Variants in MGAT4C observed in about 807,000 individuals in gnomAD.
MGAT4C encodes the protein alpha-1,3-mannosyl-glycoprotein 4-beta-N-acetylglucosaminyltransferase C.
MGAT4C carries 19 observed loss-of-function variants against 40.1 expected under a neutral mutation model. That is an observed-to-expected ratio of 0.47 (90% CI 0.33 to 0.70). The LOEUF (loss-of-function observed/expected upper bound fraction) is 0.70, where lower values mean the gene tolerates loss of function less well. Among genes scored for constraint, MGAT4C ranks in the 30% least tolerant of loss-of-function variants. MGAT4C has a pLI of 0.02. For synonymous variants in MGAT4C, 181 were observed against 187.1 expected (o/e 0.97, Z 0.27); for missense variants, 491 against 563.2 (o/e 0.87, Z 1.30).
intron 2 of MGAT4C, among the ~76,000 whole-genome samples, chr12:86,506,078 G>C (rs1258243912): frequency 6.6e-6 from 1 of 152,160 alleles, no homozygotes; most frequent in Non-Finnish European, 1.5e-5. Context: ...CTTTAAGCCA[G>C]TGGATCATGT....
chr12:86,146,585 C>T (rs912463578), intron 1 of MGAT4C, among the ~76,000 whole-genome samples: 3 of 152,080 alleles, frequency 2.0e-5, no homozygotes, highest in African/African-American at 7.2e-5. Flanking sequence ...GTTATCCGAT[C>T]TAATGGCCTC....
chr12:85,983,843 T>C (rs2136696437), intron 3 of MGAT4C, among the ~76,000 whole-genome samples, 173 bp from the exon 4 acceptor site: 1 of 152,326 alleles, frequency 6.6e-6, no homozygotes, highest in Middle Eastern at 3.4e-3. Flanking sequence ...ACCTCATTTT[T>C]TACCTGGAGG....
At chr12:86,492,236 G>C (rs1016311557) in intron 2 of MGAT4C, among the ~76,000 whole-genome samples, 4 of 152,176 alleles carry the variant, frequency 2.6e-5, no homozygotes, top group Admixed American at 2.6e-4. Context: ...GTAAGTTATA[G>C]ATTCAATGTC....
At chr12:86,367,197 G>A (rs1162195980) in intron 3 of MGAT4C, among the ~76,000 whole-genome samples, 9 of 151,776 alleles carry the variant, frequency 5.9e-5, no homozygotes, top group Non-Finnish European at 1.3e-4. Context: ...AGCAGAAAGG[G>A]CAGATAGTAA....
At chr12:86,137,744 G>A (rs1882176458) in intron 1 of MGAT4C, among the ~76,000 whole-genome samples, 1 of 152,122 alleles carries the variant, frequency 6.6e-6, no homozygotes, top group African/African-American at 2.4e-5. Context: ...CCCCTCCTAT[G>A]AAACTTGCTT....
chr12:86,097,490 A>C (rs1874152321), intron 1 of MGAT4C, among the ~76,000 whole-genome samples: 1 of 151,554 alleles, frequency 6.6e-6, no homozygotes, highest in Non-Finnish European at 1.5e-5. Context: ...TCACATTTTT[A>C]GTTTGCTTAA....
intron 1 of MGAT4C, among the ~76,000 whole-genome samples, chr12:86,243,624 G>A (rs564726652): frequency 5.1e-4 from 77 of 152,248 alleles, no homozygotes; most frequent in Non-Finnish European, 8.4e-4. Flanking sequence ...GAACTAAGGC[G>A]GCCTATAGAT....
intron 1 of MGAT4C, among the ~76,000 whole-genome samples, chr12:86,821,264 T>G (rs1042107863): frequency 9.9e-5 from 15 of 150,860 alleles, no homozygotes; most frequent in Non-Finnish European, 2.2e-4. Context: ...AAAGTTCCTG[T>G]CCAGGTACTT....
intron 4 of MGAT4C, among the ~76,000 whole-genome samples, chr12:86,296,388 C>T (rs1300755189): frequency 2.0e-5 from 3 of 152,314 alleles, no homozygotes; most frequent in Admixed American, 6.5e-5. Flanking sequence ...CTGCCAGTCC[C>T]GTGCCATGCG....
chr12:86,157,480 G>A (rs1270335755), intron 1 of MGAT4C, among the ~76,000 whole-genome samples: 1 of 152,026 alleles, frequency 6.6e-6, no homozygotes, highest in African/African-American at 2.4e-5. Context: ...TTTTTAATAT[G>A]CATGTTCTTG....
At chr12:86,352,963 C>T (rs1011976683) in intron 3 of MGAT4C, among the ~76,000 whole-genome samples, 7 of 151,018 alleles carry the variant, frequency 4.6e-5, no homozygotes, top group Non-Finnish European at 8.8e-5. Context: ...CACATGTATA[C>T]ATATGTAACA....
At chr12:86,241,260 T>C (rs1951771865) in intron 1 of MGAT4C, among the ~76,000 whole-genome samples, 1 of 152,220 alleles carries the variant, frequency 6.6e-6, no homozygotes, top group South Asian at 2.1e-4. Flanking sequence ...TTTATGACTA[T>C]ACATGTATCA....
At chr12:86,009,890 T>C (rs1888286042) in intron 2 of MGAT4C, among the ~76,000 whole-genome samples, 1 of 152,120 alleles carries the variant, frequency 6.6e-6, no homozygotes, top group Non-Finnish European at 1.5e-5. Context: ...TGTAAATGAG[T>C]TGGTTGTGTA....
At chr12:86,172,644 T>C (rs147022257) in intron 1 of MGAT4C, among the ~76,000 whole-genome samples, 6 of 152,268 alleles carry the variant, frequency 3.9e-5, no homozygotes, top group African/African-American at 1.4e-4. Context: ...TTTTGAATTA[T>C]GGTGTTTATT....
chr12:86,257,917 A>T (rs1952568646), upstream of MGAT4C, among the ~76,000 whole-genome samples: 1 of 152,106 alleles, frequency 6.6e-6, no homozygotes, highest in African/African-American at 2.4e-5. Context: ...TGAGAGTGGT[A>T]ATGCTACATA....
At chr12:86,656,598 C>A (rs1325302783) in intron 2 of MGAT4C, among the ~76,000 whole-genome samples, 1 of 152,070 alleles carries the variant, frequency 6.6e-6, no homozygotes, top group African/African-American at 2.4e-5. Context: ...CAGCATTTAC[C>A]ATTTCCTTGA....
rs1964085102 is a variant in MGAT4C, at chr12:86,665,581, G to T, written c.-229+61628C>A. Among the ~76,000 whole-genome samples the T allele has an allele frequency of 3.3e-5, 5 of 152,166 alleles. No homozygotes were observed. In the South Asian group the frequency reaches 1.0e-3, roughly 32 times the overall value. ...TTTAGTAGAGATGGGGTTTCACCGT[G>T]TTAGCCAGGATGTTCTCCTGACCTC... On this transcript the variant is annotated intron_variant, in intron 2 of 7. Transcript: ENST00000548651.
chr12:86,019,106 AGAGTACAG>A (rs1038288354), intron 2 of MGAT4C, among the ~76,000 whole-genome samples: 4 of 152,136 alleles, frequency 2.6e-5, no homozygotes, highest in African/African-American at 9.7e-5. Context: ...TATGTCAGCA[AGAGTACAG>A]GAATTAACTC....
At chr12:86,802,727 A>G (rs914711852) in intron 1 of MGAT4C, among the ~76,000 whole-genome samples, 1 of 147,404 alleles carries the variant, frequency 6.8e-6, no homozygotes, top group African/African-American at 2.5e-5. Context: ...GGACCTCTTC[A>G]AGGAGAACTA....
Sources: allele counts gnomAD v4.1 joint callset (sites outside exome capture counted in the v4.1 genomes callset), GRCh38; gene constraint gnomAD v4.1.1; transcripts MANE v1.5; gene names NCBI Gene and HGNC (gene_info 2026-07-23, HGNC 2026-07-21).